UFL1: variants seen among roughly 807,000 people sequenced by gnomAD.
UFL1 encodes E3 UFM1-protein ligase 1.
A neutral mutation model predicts 99.3 loss-of-function variants in UFL1; 78 were observed. That is an observed-to-expected ratio of 0.79 (90% CI 0.65 to 0.95). The LOEUF (loss-of-function observed/expected upper bound fraction) is 0.95. Among genes scored for constraint, UFL1 ranks in the 40% least tolerant of loss-of-function variants. UFL1 has a pLI of 0.00. For missense variants in UFL1, 936 were observed against 937.0 expected (o/e 1.00, Z 0.01); for synonymous variants, 335 against 322.2 (o/e 1.04, Z -0.42).
Position 96,536,268 on chromosome 6 carries a change from G to A in UFL1, c.680G>A (p.Ser227Asn), listed in dbSNP as rs1362022312. The A allele has an allele frequency of 5.6e-6, 9 of 1,609,634 alleles. No homozygotes were observed. Among genetic ancestry groups the A allele is most frequent in the Non-Finnish European group, 7.6e-6 (9 of 1,176,994 alleles). Residue 227 changes from serine (S) to asparagine (N), a missense_variant, in exon 8 of 19, where the codon AGC becomes AAC. By Grantham distance (46) the Ser-to-Asn change is conservative. Coordinates refer to ENST00000369278, the MANE Select transcript of UFL1 (RefSeq NM_015323.5). Reference protein sequence around the residue: ...LYSVLEELVNSGRLRGTVVGG... With the variant: ...LYSVLEELVNNGRLRGTVVGG... ...GCTGTGCTTGAGGAACTTGTTAATAGCGGACGCTTACGAGGCACTGTGGTT... is the reference window on the plus strand; with the variant it reads ...GCTGTGCTTGAGGAACTTGTTAATAACGGACGCTTACGAGGCACTGTGGTT...
At chr6:96,542,561 G>A (rs1323696025) in intron 11 of UFL1, among the ~76,000 whole-genome samples, 1 of 151,310 alleles carries the variant, frequency 6.6e-6, no homozygotes, top group African/African-American at 2.4e-5. Flanking sequence ...GGGGAAGGTA[G>A]AAGAGGAGGT....
At position 96,523,251 on chromosome 6, in the gene UFL1, A is replaced by C. The variant is rs1427266478; in HGVS notation, c.183A>C (p.Gln61His). The C allele has an allele frequency of 2.5e-6, 4 of 1,611,598 alleles. No homozygotes were observed. Among genetic ancestry groups the C allele is most frequent in the Non-Finnish European group, 3.4e-6 (4 of 1,178,820 alleles). Residue 61 changes from glutamine to histidine, a missense_variant, in exon 2 of 19, where the codon CAA becomes CAC. By Grantham distance (24) the Gln-to-His change is conservative. Transcript: ENST00000369278. ...GAAAGGAATATATTACTCCAGCCCAAATTAGTAAAGAAATGAGAGATGAGC... is the reference window on the plus strand; with the variant it reads ...GAAAGGAATATATTACTCCAGCCCACATTAGTAAAGAAATGAGAGATGAGC... ...LDGKEYITPAQISKEMRDELH... is the reference protein window; with the variant it reads ...LDGKEYITPAHISKEMRDELH...
intron 15 of UFL1, among the ~76,000 whole-genome samples, chr6:96,550,803 T>C (rs552025243): frequency 2.5e-4 from 38 of 151,982 alleles, no homozygotes; most frequent in African/African-American, 9.2e-4. Flanking sequence ...GAAGGATTGG[T>C]GTGGGATTGG....
In UFL1 at chr6:96,523,644, C is replaced by A. The variant is rs566842827; in HGVS notation, c.223+353C>A. On this transcript the variant is annotated intron_variant, in intron 2 of 18. Coordinates refer to ENST00000369278, the MANE Select transcript of UFL1 (RefSeq NM_015323.5). The stretch of plus-strand genomic sequence containing the variant: ...AATTGTGAAGGGGGACAGTATCTTA[C>A]AGGATTATAGATTTTTGAAAATCAA... 3.9e-5 allele frequency among the ~76,000 whole-genome samples: 6 copies of A among 152,196 alleles called. No homozygotes were observed. The South Asian group carries it at 8.3e-4, about 21-fold the overall frequency.
At chr6:96,542,762 AAG>A in intron 11 of UFL1, 130 bp from the exon 12 acceptor site, 1 of 839,414 alleles carries the variant, frequency 1.2e-6, no homozygotes, top group Non-Finnish European at 1.7e-6. Context: ...CAAATTTAAA[AAG>A]AGTCTAAAAG....
chr6:96,546,489 AT>A (rs1390924354), intron 12 of UFL1, among the ~76,000 whole-genome samples: 1 of 151,216 alleles, frequency 6.6e-6, no homozygotes, highest in Non-Finnish European at 1.5e-5. Flanking sequence ...AACAAACATC[AT>A]TTTTCACAGA....
Position 96,546,361 on chromosome 6 carries a change from C to T in UFL1, c.1403-1803C>T, listed in dbSNP as rs894907886. On this transcript the variant is annotated intron_variant, in intron 12 of 18. Transcript: ENST00000369278. ...ACTACAAAACACTGATGAAAGAAATCGTAGATGACACAAACAAATAGAAAG... is the reference window on the plus strand; with the variant it reads ...ACTACAAAACACTGATGAAAGAAATTGTAGATGACACAAACAAATAGAAAG... 2.0e-5 allele frequency among the ~76,000 whole-genome samples: 3 copies of T among 149,550 alleles called. No homozygotes were observed. In the East Asian group the frequency reaches 5.9e-4, roughly 29 times the overall value.
intron 6 of UFL1, among the ~76,000 whole-genome samples, chr6:96,533,893 C>A (rs970734772): frequency 2.0e-5 from 3 of 150,154 alleles, no homozygotes; most frequent in African/African-American, 7.3e-5. Context: ...CACATATGAT[C>A]TCATTTTTCT....
At position 96,540,588 on chromosome 6, in the gene UFL1, C is replaced by G. The variant is rs758735177; in HGVS notation, c.1212C>G (p.Ile404Met). 4 of 1,607,010 alleles carry G rather than the reference C, an allele frequency of 2.5e-6. No individual in the cohort carries two copies. Among genetic ancestry groups the G allele is most frequent in the Non-Finnish European group, 3.4e-6 (4 of 1,176,466 alleles). ...TCACTGAAGAAGATCTGAAACAAAT[C>G]TCCACTTTAGAAAGCGTTAGTACAA... Reference protein sequence around the residue: ...HLITEEDLKQISTLESVSTSK... With the variant: ...HLITEEDLKQMSTLESVSTSK... The change falls in exon 11 of 19, where the codon ATC becomes ATG. Residue 404 changes from isoleucine (I) to methionine (M), a missense_variant. Coordinates refer to ENST00000369278, the MANE Select transcript of UFL1 (RefSeq NM_015323.5).
In UFL1 at chr6:96,549,717, C is replaced by A; in HGVS notation, c.1736C>A (p.Thr579Asn). ...AAACACTTGCTGAAGTCAGTGTGTA[C>A]TGATATCACTAACCTCATTTTCAAC... ...LTKHLLKSVC[T>N]DITNLIFNFL... Residue 579 changes from threonine (T) to asparagine (N), a missense_variant, in exon 15 of 19, where the codon ACT becomes AAT. Transcript: ENST00000369278. The A allele has an allele frequency of 6.2e-7, 1 of 1,612,338 alleles. No homozygotes were observed. Among genetic ancestry groups the A allele is most frequent in the Non-Finnish European group, 8.5e-7 (1 of 1,178,872 alleles).
chr6:96,522,316 A>C (rs1457127271), intron 1 of UFL1, among the ~76,000 whole-genome samples: 1 of 152,164 alleles, frequency 6.6e-6, no homozygotes, highest in Non-Finnish European at 1.5e-5. Context: ...TTCCTGATCT[A>C]GAATGAGCTC....
Position 96,553,296 on chromosome 6 carries a change from T to C in UFL1, c.2178T>C (p.Ala726=). The C allele has an allele frequency of 6.2e-7, 1 of 1,613,276 alleles. No homozygotes were observed. The highest frequency in any genetic ancestry group is 8.5e-7 in the Non-Finnish European group (1 of 1,179,608). ...LNSKIPEDQH[A]LLVKYQGLVV... ...TTCCCTTTTCACAGGATCAGCATGC[T>C]CTTTTGGTAAAGTATCAAGGTTTGG... The change falls in exon 19 of 19, where the codon GCT becomes GCC. Residue 726 remains alanine, a synonymous_variant. Coordinates refer to ENST00000369278, the MANE Select transcript of UFL1 (RefSeq NM_015323.5).
At chr6:96,526,085 C>T (rs74612998) in intron 4 of UFL1, among the ~76,000 whole-genome samples, 1 of 111,760 alleles carries the variant, frequency 8.9e-6, no homozygotes, top group East Asian at 2.5e-4. Context: ...GACCTTGATG[C>T]AAAAAAAAAA....
At chr6:96,540,076 A>T (rs185028749) in intron 10 of UFL1, among the ~76,000 whole-genome samples, 8 of 151,222 alleles carry the variant, frequency 5.3e-5, no homozygotes, top group African/African-American at 1.5e-4. Context: ...GGGGGAAAAA[A>T]AGATTATATG....
Position 96,553,694 on chromosome 6 carries a change from GTTC to G in UFL1, c.*195_*197del. Reference sequence around the variant, plus strand: ...AAAGATGTGAATTTTTGTAAATTGGGTTCTTCATGGAAGTTTTTTTCCACCTGA... The same window carrying G: ...AAAGATGTGAATTTTTGTAAATTGGGTTCATGGAAGTTTTTTTCCACCTGA... On this transcript the variant is annotated 3_prime_UTR_variant, in exon 19 of 19. Coordinates refer to ENST00000369278, the MANE Select transcript of UFL1 (RefSeq NM_015323.5). The G allele has an allele frequency of 2.4e-6, 1 of 422,140 alleles. No homozygotes were observed. Among genetic ancestry groups the G allele is most frequent in the Non-Finnish European group, 4.1e-6 (1 of 241,390 alleles). The allele number at this position is 422,140 out of a possible 1,614,324, so 26.1% of individuals were successfully genotyped here. A position where few individuals can be genotyped will look rare whatever the true frequency, so the allele number is the denominator to read the frequency against.
Position 96,552,486 on chromosome 6 carries a change from A to G in UFL1, c.1990A>G (p.Ile664Val), listed in dbSNP as rs920957583. ...TGTGCTTTTTTTTTTTTTTAGACAGATACTGTTCCAACATCGACAAGCACT... is the reference window on the plus strand; with the variant it reads ...TGTGCTTTTTTTTTTTTTTAGACAGGTACTGTTCCAACATCGACAAGCACT... ...KRGDKKRERQILFQHRQALAE... is the reference protein window; with the variant it reads ...KRGDKKRERQVLFQHRQALAE... Residue 664 changes from isoleucine to valine, a missense_variant, in exon 18 of 19, where the codon ATA (isoleucine) becomes GTA (valine). Ile to Val is a conservative substitution (Grantham distance 29). Transcript: ENST00000369278. The G allele has an allele frequency of 1.3e-6, 2 of 1,561,086 alleles. No homozygotes were observed. Among genetic ancestry groups the G allele is most frequent in the African/African-American group, 1.4e-5 (1 of 71,214 alleles).
At position 96,525,298 on chromosome 6, in the gene UFL1, T is replaced by G. The variant is rs74737097; in HGVS notation, c.254T>G (p.Val85Gly). Residue 85 changes from valine to glycine, a missense_variant and splice_region_variant, in exon 4 of 19, where the codon GTA becomes GGA. Coordinates refer to ENST00000369278, the MANE Select transcript of UFL1 (RefSeq NM_015323.5). ...GRVNIVDLQQVINVDLIHIEN... is the reference protein window; with the variant it reads ...GRVNIVDLQQGINVDLIHIEN... ...ATAGATTTTGTATTTGTTTTCCAGGTAATTAATGTGGACCTGATTCATATT... is the reference window on the plus strand; with the variant it reads ...ATAGATTTTGTATTTGTTTTCCAGGGAATTAATGTGGACCTGATTCATATT... 1,346 of 1,583,242 alleles carry G rather than the reference T, an allele frequency of 8.5e-4. 10 individuals carry two copies. In the African/African-American group the frequency reaches 0.017, roughly 20 times the overall value.
Position 96,549,398 on chromosome 6 carries a change from T to G in UFL1, c.1521-14T>G. 6.4e-7 allele frequency: 1 copy of G among 1,568,952 alleles called. No homozygotes were observed. Among genetic ancestry groups the G allele is most frequent in the Non-Finnish European group, 8.6e-7 (1 of 1,164,398 alleles). ...TACATTTTAATAAACTAAATATATT[T>G]GTCTTATGCACAGACCTCTTAATAA... On this transcript the variant is annotated splice_polypyrimidine_tract_variant and intron_variant, in intron 13 of 18. Coordinates refer to ENST00000369278, the MANE Select transcript of UFL1 (RefSeq NM_015323.5).
chr6:96,548,165 AAAG>A lies in UFL1; in HGVS notation c.1411_1413del (p.Lys471del). 6.3e-7 allele frequency: 1 copy of A among 1,579,060 alleles called. No homozygotes were observed. On this transcript the variant is annotated inframe_deletion and splice_region_variant, in exon 13 of 19. Transcript: ENST00000369278. ...TGCCATTGCTCATGTCCGATATAGG[AAAG>A]AAGAAGCCAGAGATCAGTTTTATGT...
Sources: allele counts gnomAD v4.1 joint callset (sites outside exome capture counted in the v4.1 genomes callset), GRCh38; gene constraint gnomAD v4.1.1; transcripts MANE v1.5; gene names NCBI Gene and HGNC (gene_info 2026-07-23, HGNC 2026-07-21).